Variants in AVEN observed in about 807,000 individuals in gnomAD.
AVEN encodes the protein cell death regulator Aven.
A neutral mutation model predicts 38.1 loss-of-function variants in AVEN; 41 were observed. The ratio of observed to expected loss-of-function variants is 1.08; its 90% CI spans 0.84 to 1.40. The LOEUF is 1.40. Ranked by LOEUF, AVEN falls within the 40% of genes most tolerant of loss-of-function variation. The pLI, the probability that AVEN is intolerant of heterozygous loss-of-function variation, is 0.00. For synonymous variants in AVEN, 206 were observed against 171.8 expected (o/e 1.20, Z -1.56); for missense variants, 605 against 438.8 (o/e 1.38, Z -3.38).
chr15:34,066,352 A>G (rs576619355), intron 3 of AVEN: 1 of 152,404 alleles, frequency 6.6e-6, no homozygotes, highest in East Asian at 1.9e-4. Flanking sequence ...ATAGGCTTTT[A>G]AGCCCATGTT....
chr15:34,026,129 A>G (rs1207699833), intron 1 of AVEN, among the ~76,000 whole-genome samples: 1 of 152,142 alleles, frequency 6.6e-6, no homozygotes, highest in Non-Finnish European at 1.5e-5. Context: ...ATATTCTTCT[A>G]CCCTTTTCAG....
chr15:34,030,084 T>C (rs1294898657), intron 1 of AVEN, among the ~76,000 whole-genome samples: 2 of 151,874 alleles, frequency 1.3e-5, no homozygotes, highest in Non-Finnish European at 2.9e-5. Context: ...TGCGACCCCA[T>C]CTCTACTAAA....
chr15:34,017,133 GGA>G (rs905304476), intron 1 of AVEN, among the ~76,000 whole-genome samples: 3 of 149,992 alleles, frequency 2.0e-5, no homozygotes, highest in Admixed American at 6.6e-5. Context: ...GTCTCAAGGG[GGA>G]AAAAAAAAGG....
intron 2 of AVEN, among the ~76,000 whole-genome samples, chr15:33,963,899 G>A (rs112139044): frequency 6.6e-6 from 1 of 151,820 alleles, no homozygotes; most frequent in Non-Finnish European, 1.5e-5. Flanking sequence ...GATTGATGCA[G>A]TATCAGGGCT....
intron 3 of AVEN, among the ~76,000 whole-genome samples, chr15:33,875,115 G>C (rs1004842822): frequency 6.6e-6 from 1 of 152,152 alleles, no homozygotes; most frequent in Non-Finnish European, 1.5e-5. Flanking sequence ...CCAGCCCACA[G>C]ATCAAACGAG....
chr15:34,019,625 T>C (rs2140708443), intron 1 of AVEN, among the ~76,000 whole-genome samples: 1 of 152,348 alleles, frequency 6.6e-6, no homozygotes, highest in African/African-American at 2.4e-5. Flanking sequence ...TCTCATCCTA[T>C]ACACAGTAAT....
At chr15:33,992,293 G>T (rs1270364003) in intron 2 of AVEN, among the ~76,000 whole-genome samples, 2 of 152,204 alleles carry the variant, frequency 1.3e-5, no homozygotes, top group Non-Finnish European at 2.9e-5. Flanking sequence ...GGGAGGCTGA[G>T]GGAGGAGAAT....
intron 2 of AVEN, among the ~76,000 whole-genome samples, chr15:33,949,999 GAT>G (rs199976891): frequency 6.6e-6 from 1 of 151,958 alleles, no homozygotes; most frequent in Non-Finnish European, 1.5e-5. Context: ...AAGAAAATGT[GAT>G]ATATATATAC....
chr15:34,027,170 C>T (rs1017963357), intron 1 of AVEN, among the ~76,000 whole-genome samples: 17 of 152,282 alleles, frequency 1.1e-4, no homozygotes, highest in African/African-American at 3.9e-4. Context: ...AGCTAAATCT[C>T]AGTATGAACA....
chr15:33,970,585 T>C (rs1460656745), intron 2 of AVEN, among the ~76,000 whole-genome samples: 1 of 151,974 alleles, frequency 6.6e-6, no homozygotes, highest in East Asian at 1.9e-4. Flanking sequence ...ATTATGGTAT[T>C]ACAGTTTGTA....
intron 3 of AVEN, 115 bp downstream of exon 3, chr15:33,875,810 A>G (rs1449348214): frequency 2.0e-6 from 2 of 985,648 alleles, no homozygotes; most frequent in Admixed American, 2.5e-5. Context: ...CTGAGGGTAC[A>G]CTGTAAGAAT....
At chr15:33,943,823 TAAAAAAAAAAAA>T (rs71119905) in intron 2 of AVEN, among the ~76,000 whole-genome samples, 5 of 88,864 alleles carry the variant, frequency 5.6e-5, no homozygotes, top group African/African-American at 1.6e-4. Flanking sequence ...ACTCCGTCTT[TAAAAAAAAAAAA>T]AAAAAAAAAA....
intron 1 of AVEN, among the ~76,000 whole-genome samples, chr15:34,030,398 T>C (rs895206446): frequency 6.6e-6 from 1 of 152,070 alleles, no homozygotes; most frequent in Non-Finnish European, 1.5e-5. Flanking sequence ...CAGGCTGGAG[T>C]GCAGTGGCGC....
chr15:33,950,384 G>A (rs1894694140), intron 2 of AVEN, among the ~76,000 whole-genome samples: 1 of 152,154 alleles, frequency 6.6e-6, no homozygotes, highest in African/African-American at 2.4e-5. Context: ...GTAGTGAAAG[G>A]TGTGTTAATT....
chr15:33,997,452 G>C (rs944841618), intron 2 of AVEN, among the ~76,000 whole-genome samples: 1 of 152,070 alleles, frequency 6.6e-6, no homozygotes, highest in African/African-American at 2.4e-5. Context: ...AAACTCCAAA[G>C]ACGAGGTCTC....
chr15:34,073,477 C>G (rs1597399896), intron 1 of AVEN, among the ~76,000 whole-genome samples: 6 of 150,630 alleles, frequency 4.0e-5, no homozygotes, highest in African/African-American at 1.5e-4. Context: ...CATAAGGCTT[C>G]GAGTAACATA....
intron 3 of AVEN, among the ~76,000 whole-genome samples, chr15:33,871,732 G>A (rs907400318): frequency 2.8e-5 from 4 of 144,180 alleles, no homozygotes; most frequent in Non-Finnish European, 6.0e-5. Context: ...AGTGAGAAGG[G>A]ACTGACAGGT....
At chr15:34,043,124 G>A (rs1899546414), upstream of AVEN, among the ~76,000 whole-genome samples, 2 of 151,974 alleles carry the variant, frequency 1.3e-5, no homozygotes, top group African/African-American at 4.8e-5. Flanking sequence ...ACGGGCGCCT[G>A]TAGTCCCAGC....
At chr15:33,915,477 T>G (rs997378336) in intron 2 of AVEN, among the ~76,000 whole-genome samples, 1 of 151,980 alleles carries the variant, frequency 6.6e-6, no homozygotes, top group Non-Finnish European at 1.5e-5. Context: ...GAGAGTCAAG[T>G]GAAATACAGG....
Sources: gnomAD v4.1 joint callset for allele counts (sites outside exome capture counted in the v4.1 genomes callset) on GRCh38, gnomAD v4.1.1 for gene constraint, MANE v1.5 for transcripts, NCBI Gene and HGNC (gene_info 2026-07-23, HGNC 2026-07-21) for gene names.